The following CERT1 variants were observed in gnomAD, a reference collection of about 807,000 sequenced individuals.
CERT1 encodes the protein ceramide transporter 1, also known as ceramide transfer protein.
A neutral mutation model predicts 87.9 loss-of-function variants in CERT1; 31 were observed. The observed-to-expected ratio is 0.35, with a 90% CI of 0.27 to 0.48. The LOEUF (loss-of-function observed/expected upper bound fraction) is 0.48, where lower values mean the gene tolerates loss of function less well. Ranked by LOEUF, CERT1 falls within the 20% of genes least tolerant of loss-of-function variation. CERT1 has a pLI of 0.99. For synonymous variants in CERT1, 289 were observed against 250.9 expected (o/e 1.15, Z -1.44); for missense variants, 487 against 758.0 (o/e 0.64, Z 4.20).
chr5:75,396,029 A>C (rs932338671), intron 11 of CERT1, among the ~76,000 whole-genome samples: 1 of 152,216 alleles, frequency 6.6e-6, no homozygotes, highest in Non-Finnish European at 1.5e-5. Context: ...GTAGATGTAC[A>C]TATTTTATTT....
At position 75,511,424 on chromosome 5, in the gene CERT1, C is replaced by A. The variant is rs985372655; in HGVS notation, c.-217G>T. On this transcript the variant is annotated 5_prime_UTR_variant, in exon 1 of 17. Transcript: ENST00000643780. ...GAAGGAGGACGAGCGGTGAAGGAAG[C>A]CTACCCTTCCAGCCGTCAGCCGCCG... 2 of 1,542,140 alleles carry A rather than the reference C, an allele frequency of 1.3e-6. No individual in the cohort carries two copies. The highest frequency in any genetic ancestry group is 1.7e-6 in the Non-Finnish European group (2 of 1,143,684).
rs1580721623 is a variant in CERT1, at chr5:75,403,053, G to A, written c.936C>T (p.Gly312=). The change falls in exon 9 of 17, where the codon GGC becomes GGT. Residue 312 remains glycine (G), a synonymous_variant. Coordinates refer to ENST00000643780, the MANE Select transcript of CERT1 (RefSeq NM_001379029.1). ...SHFGGPDYEE[G]PNSLINEEEF... ...CTTCTTCATTAATCAGACTGTTAGG[G>A]CCTTCCTATTCCAACACACAGTGGA... The A allele has an allele frequency of 3.7e-6, 6 of 1,609,774 alleles. No homozygotes were observed. The South Asian group carries it at 6.6e-5, about 18-fold the overall frequency.
At chr5:75,500,544 T>C (rs1767303515) in intron 2 of CERT1, among the ~76,000 whole-genome samples, 1 of 152,162 alleles carries the variant, frequency 6.6e-6, no homozygotes, top group Non-Finnish European at 1.5e-5. Flanking sequence ...ACAGATAAAT[T>C]ATGAGTTTCT....
intron 14 of CERT1, among the ~76,000 whole-genome samples, chr5:75,384,271 C>A (rs1761699365): frequency 6.6e-6 from 1 of 152,178 alleles, no homozygotes; most frequent in South Asian, 2.1e-4. Context: ...GTGTGGCATA[C>A]ACCAGTAGTT....
intron 3 of CERT1, among the ~76,000 whole-genome samples, chr5:75,454,881 C>G (rs1764913617): frequency 6.6e-6 from 1 of 152,190 alleles, no homozygotes; most frequent in Non-Finnish European, 1.5e-5. Flanking sequence ...CAATAAAGAA[C>G]CATTTCTTGA....
chr5:75,405,238 T>C (rs937939863), intron 8 of CERT1, among the ~76,000 whole-genome samples: 3 of 152,160 alleles, frequency 2.0e-5, no homozygotes, highest in Non-Finnish European at 4.4e-5. Context: ...ACAACTCTCC[T>C]TGAAGAGTTC....
At chr5:75,370,643 T>G (rs1395353195) in intron 17 of CERT1, 1 of 152,040 alleles carries the variant, frequency 6.6e-6, no homozygotes, top group Non-Finnish European at 1.5e-5. Context: ...ATATTCCTCC[T>G]GTTATATTTT....
At chr5:75,452,028 C>G (rs765883549) in intron 3 of CERT1, among the ~76,000 whole-genome samples, 3 of 152,052 alleles carry the variant, frequency 2.0e-5, no homozygotes, top group Non-Finnish European at 4.4e-5. Context: ...ATGTTCCTTT[C>G]AAAAAGTGTT....
At chr5:75,451,087 T>C (rs957990362) in intron 3 of CERT1, among the ~76,000 whole-genome samples, 10 of 152,212 alleles carry the variant, frequency 6.6e-5, no homozygotes, top group African/African-American at 2.2e-4. Context: ...CAGAAGACTA[T>C]AAAAACTAAA....
At chr5:75,492,977 C>G (rs140624335) in intron 2 of CERT1, among the ~76,000 whole-genome samples, 2 of 152,206 alleles carry the variant, frequency 1.3e-5, no homozygotes, top group Admixed American at 6.5e-5. Flanking sequence ...GCCTGAGAAT[C>G]TGCATTTCTA....
chr5:75,387,685 T>C (rs1309597012), intron 12 of CERT1, among the ~76,000 whole-genome samples: 1 of 150,510 alleles, frequency 6.6e-6, no homozygotes, highest in East Asian at 1.9e-4. Context: ...GAGGCTGCGA[T>C]AAGCCAAGAT....
At position 75,423,384 on chromosome 5, in the gene CERT1, G is replaced by GA. The variant is rs11331996; in HGVS notation, c.595+1976dup. On this transcript the variant is annotated intron_variant, in intron 5 of 16. Transcript: ENST00000643780. ...TCAGGTGTTTTCTATTTTTAGAGGG[G>GA]AAAAAAAAAAAATCACACATTAACG... is the stretch of plus-strand genomic sequence containing the variant. Among the ~76,000 whole-genome samples, 200 of 147,422 alleles carry GA rather than the reference G, an allele frequency of 1.4e-3. 2 individuals are homozygous for GA. Among genetic ancestry groups the GA allele is most frequent in the Admixed American group, 4.5e-3 (66 of 14,694 alleles).
intron 11 of CERT1, among the ~76,000 whole-genome samples, chr5:75,390,350 C>A (rs183461216): frequency 6.6e-6 from 1 of 152,146 alleles, no homozygotes; most frequent in African/African-American, 2.4e-5. Flanking sequence ...TTTCTTTGTT[C>A]TAAATTATTT....
At chr5:75,490,949 G>C (rs1293126571) in intron 2 of CERT1, among the ~76,000 whole-genome samples, 2 of 151,790 alleles carry the variant, frequency 1.3e-5, no homozygotes, top group Non-Finnish European at 2.9e-5. Flanking sequence ...TTTTGAATTT[G>C]TGACTCAAGG....
chr5:75,510,968 C>T, intron 1 of CERT1, 144 bp downstream of exon 1: 3 of 1,169,822 alleles, frequency 2.6e-6, no homozygotes, highest in Non-Finnish European at 3.4e-6. Flanking sequence ...ATATCCCCGC[C>T]TCATCCCTAG....
intron 11 of CERT1, among the ~76,000 whole-genome samples, chr5:75,397,759 A>C (rs1433874330): frequency 3.9e-5 from 6 of 152,146 alleles, no homozygotes; most frequent in Non-Finnish European, 8.8e-5. Context: ...GGTGGCTCAC[A>C]CCTGTAATCC....
intron 3 of CERT1, among the ~76,000 whole-genome samples, chr5:75,445,664 A>T (rs1447971193): frequency 6.6e-6 from 1 of 151,922 alleles, no homozygotes; most frequent in Non-Finnish European, 1.5e-5. Context: ...CAGACATAGG[A>T]TTGGGTTTTT....
chr5:75,510,665 G>T (rs113636497), intron 1 of CERT1, among the ~76,000 whole-genome samples: 1 of 152,084 alleles, frequency 6.6e-6, no homozygotes, highest in African/African-American at 2.4e-5. Flanking sequence ...AAGCTGAGTC[G>T]CTCCAGCTTC....
intron 3 of CERT1, among the ~76,000 whole-genome samples, chr5:75,436,941 C>T (rs563260892): frequency 5.9e-5 from 9 of 152,136 alleles, no homozygotes; most frequent in African/African-American, 1.7e-4. Context: ...AGATGCCCCA[C>T]TAATTTATTT....
Sources: allele counts gnomAD v4.1 joint callset (sites outside exome capture counted in the v4.1 genomes callset), GRCh38; gene constraint gnomAD v4.1.1; transcripts MANE v1.5; gene names NCBI Gene and HGNC (gene_info 2026-07-23, HGNC 2026-07-21).